The following ADGRL2 variants were observed in gnomAD, a reference collection of about 807,000 sequenced individuals.
ADGRL2 encodes the protein calcium-independent alpha-latrotoxin receptor 2.
ADGRL2 carries 44 observed loss-of-function variants against 157.4 expected under a neutral mutation model. The ratio of observed to expected loss-of-function variants is 0.28; its 90% confidence interval spans 0.22 to 0.36. The LOEUF is 0.36. ADGRL2 is among the 10% of genes least tolerant of loss of function. ADGRL2 has a pLI of 1.00. For missense variants in ADGRL2, 1,510 were observed against 1,768.9 expected, an observed-to-expected ratio of 0.85 and a Z score of 2.63; for synonymous variants, 585 against 624.7, an observed-to-expected ratio of 0.94 and a Z score of 0.95.
At chr1:81,377,064 G>A (rs201410226) in intron 1 of ADGRL2, among the ~76,000 whole-genome samples, 5 of 152,006 alleles carry the variant, frequency 3.3e-5, no homozygotes, top group African/African-American at 1.2e-4. Flanking sequence ...ATGGTGGCAC[G>A]CACCTGTATA....
At chr1:81,520,303 T>G (rs1445817298) in intron 2 of ADGRL2, among the ~76,000 whole-genome samples, 1 of 152,150 alleles carries the variant, frequency 6.6e-6, no homozygotes, top group Non-Finnish European at 1.5e-5. Context: ...TGTTTAGTAC[T>G]AAAACCAATT....
At chr1:81,954,436 C>G (rs1163383952) in intron 10 of ADGRL2, among the ~76,000 whole-genome samples, 2 of 152,142 alleles carry the variant, frequency 1.3e-5, no homozygotes, top group Non-Finnish European at 2.9e-5. Flanking sequence ...CTTCTCTGTT[C>G]AGATAAGACT....
At position 81,972,700 on chromosome 1, in the gene ADGRL2, A is replaced by T. The variant is rs546746364; in HGVS notation, c.3021+782A>T. Reference sequence around the variant, plus strand: ...CTGAGGCAGGAGGATCACTTGAGGCAAGGAGTTAGAGGCTAGCCTGGACTT... The same window carrying T: ...CTGAGGCAGGAGGATCACTTGAGGCTAGGAGTTAGAGGCTAGCCTGGACTT... On this transcript the variant is annotated intron_variant, in intron 17 of 23. Coordinates refer to ENST00000686636, the MANE Select transcript of ADGRL2 (RefSeq NM_001366006.2). 2.0e-5 allele frequency among the ~76,000 whole-genome samples: 3 copies of T among 151,824 alleles called. No homozygotes were observed. The South Asian group carries it at 6.2e-4, about 31-fold the overall frequency.
chr1:81,426,293 G>A (rs183625764), intron 1 of ADGRL2, among the ~76,000 whole-genome samples: 4 of 152,260 alleles, frequency 2.6e-5, no homozygotes, highest in Non-Finnish European at 5.9e-5. Context: ...CCTATTTACA[G>A]GGGAGGTGGG....
intron 4 of ADGRL2, among the ~76,000 whole-genome samples, chr1:81,937,842 T>C (rs560864250): frequency 6.6e-6 from 1 of 151,872 alleles, no homozygotes. Context: ...CTGACAGATT[T>C]ATATGTTCAA....
intron 3 of ADGRL2, among the ~76,000 whole-genome samples, chr1:81,935,717 A>G (rs1046552348): frequency 6.6e-6 from 1 of 151,996 alleles, no homozygotes; most frequent in Non-Finnish European, 1.5e-5. Context: ...AGAAAATACA[A>G]TAAAAACCCT....
intron 2 of ADGRL2, among the ~76,000 whole-genome samples, chr1:81,763,458 G>A (rs1242855783): frequency 6.6e-6 from 1 of 151,608 alleles, no homozygotes; most frequent in African/African-American, 2.4e-5. Context: ...GTATGGTGGT[G>A]AGTCCCTATA....
intron 3 of ADGRL2, among the ~76,000 whole-genome samples, chr1:81,924,066 T>G (rs1342504274): frequency 6.6e-6 from 1 of 152,204 alleles, no homozygotes. Context: ...ATTCAGGTAG[T>G]CAGGGAATAT....
intron 11 of ADGRL2, among the ~76,000 whole-genome samples, chr1:81,957,199 A>G (rs950903539): frequency 6.8e-6 from 1 of 147,598 alleles, no homozygotes; most frequent in African/African-American, 2.5e-5. Flanking sequence ...AAAAAAAACC[A>G]CTAAAATTCC....
intron 2 of ADGRL2, among the ~76,000 whole-genome samples, chr1:81,874,905 C>T (rs1009336176): frequency 1.6e-4 from 24 of 152,018 alleles, no homozygotes; most frequent in Admixed American, 3.9e-4. Flanking sequence ...TGGGGTCTCA[C>T]CACATTGGCC....
chr1:81,766,146 G>A (rs933224137), intron 2 of ADGRL2, among the ~76,000 whole-genome samples: 1 of 152,022 alleles, frequency 6.6e-6, no homozygotes, highest in Non-Finnish European at 1.5e-5. Context: ...TTTACAAGAG[G>A]GAGTTCACTC....
intron 1 of ADGRL2, among the ~76,000 whole-genome samples, chr1:81,814,133 C>T (rs544867923): frequency 2.0e-5 from 3 of 151,628 alleles, no homozygotes; most frequent in South Asian, 4.2e-4. Context: ...AACTGGTTTT[C>T]GGTTTAAAGT....
Position 81,729,768 on chromosome 1 carries a change from G to A in ADGRL2, c.-143+29960G>A, listed in dbSNP as rs187109953. 1.4e-4 allele frequency among the ~76,000 whole-genome samples: 21 copies of A among 152,214 alleles called. No individual in the cohort carries two copies. The East Asian group carries it at 2.9e-3, about 21-fold the overall frequency. On this transcript the variant is annotated intron_variant, in intron 1 of 20. Coordinates refer to the ADGRL2 transcript ENST00000359929. ...AAAATAAATTACATTTAAGTTACAC[G>A]TATGAACAATAAACTATTTAAATCA... is the stretch of plus-strand genomic sequence containing the variant.
intron 3 of ADGRL2, among the ~76,000 whole-genome samples, chr1:81,935,160 G>A (rs897957308): frequency 1.3e-5 from 2 of 151,826 alleles, no homozygotes; most frequent in African/African-American, 2.4e-5. Context: ...TACACTAAGT[G>A]GTGAACCACT....
chr1:81,358,644 A>G (rs980491673), intron 1 of ADGRL2, among the ~76,000 whole-genome samples: 1 of 152,112 alleles, frequency 6.6e-6, no homozygotes, highest in Non-Finnish European at 1.5e-5. Flanking sequence ...CCTGGATAGG[A>G]CAGCTTTGTT....
intron 2 of ADGRL2, among the ~76,000 whole-genome samples, chr1:81,867,721 CAA>C (rs1422977176): frequency 6.6e-6 from 1 of 151,992 alleles, no homozygotes; most frequent in Non-Finnish European, 1.5e-5. Context: ...TACTTCATTG[CAA>C]AGTCAAGAAT....
At chr1:81,401,870 T>TACCTAGAATATAGGTA (rs1371893040) in intron 1 of ADGRL2, among the ~76,000 whole-genome samples, 1 of 152,222 alleles carries the variant, frequency 6.6e-6, no homozygotes, top group African/African-American at 2.4e-5. Flanking sequence ...AATGTATATA[T>TACCTAGAATATAGGTA]TCTGTTTATA....
At chr1:81,826,053 G>A (rs557405801) in intron 1 of ADGRL2, among the ~76,000 whole-genome samples, 1 of 152,154 alleles carries the variant, frequency 6.6e-6, no homozygotes, top group Non-Finnish European at 1.5e-5. Context: ...CTTTTGTATT[G>A]ACAGAGCTAT....
intron 1 of ADGRL2, among the ~76,000 whole-genome samples, chr1:81,717,183 G>C (rs1405829152): frequency 6.6e-6 from 1 of 152,088 alleles, no homozygotes; most frequent in Non-Finnish European, 1.5e-5. Context: ...TCTGCTTCTG[G>C]AACATTTGAA....
Sources: allele counts gnomAD v4.1 joint callset (sites outside exome capture counted in the v4.1 genomes callset), GRCh38; gene constraint gnomAD v4.1.1; transcripts MANE v1.5; gene names NCBI Gene and HGNC (gene_info 2026-07-23, HGNC 2026-07-21).